RERE: variants seen among roughly 807,000 people sequenced by gnomAD.
RERE encodes arginine-glutamic acid dipeptide repeats protein.
In RERE, 40 loss-of-function variants were observed where a neutral mutation model predicts 146.1. That is an observed-to-expected ratio of 0.27 (90% CI 0.21 to 0.36). The LOEUF is 0.36. Ranked by LOEUF, RERE falls within the 10% of genes least tolerant of loss-of-function variation. The pLI is 1.00. For missense variants in RERE, 1,933 were observed against 2,138.7 expected (o/e 0.90, Z 1.90); for synonymous variants, 1,003 against 866.0 (o/e 1.16, Z -2.78).
intron 2 of RERE, among the ~76,000 whole-genome samples, chr1:8,626,996 C>A (rs962848531): frequency 6.6e-6 from 1 of 152,126 alleles, no homozygotes; most frequent in Non-Finnish European, 1.5e-5. Flanking sequence ...CACTCCACAC[C>A]CCATCTTCCC....
At chr1:8,490,359 AG>A (rs1334013648) in intron 10 of RERE, among the ~76,000 whole-genome samples, 1 of 147,306 alleles carries the variant, frequency 6.8e-6, no homozygotes, top group East Asian at 1.9e-4. Context: ...AAAAAAAAAA[AG>A]AAAAGAAAAG....
At chr1:8,732,963 A>T (rs12564643) in intron 1 of RERE, among the ~76,000 whole-genome samples, 131 of 149,652 alleles carry the variant, frequency 8.8e-4, no homozygotes, top group Non-Finnish European at 1.5e-3. Flanking sequence ...CTGGGACTAC[A>T]GGCGCCCGCC....
At chr1:8,399,127 G>C (rs1318882980) in intron 12 of RERE, among the ~76,000 whole-genome samples, 2 of 150,866 alleles carry the variant, frequency 1.3e-5, no homozygotes, top group Non-Finnish European at 2.9e-5. Flanking sequence ...ATGCATTCTA[G>C]ATACTAATCC....
intron 1 of RERE, among the ~76,000 whole-genome samples, chr1:8,748,400 C>G (rs1008677392): frequency 6.6e-6 from 1 of 152,142 alleles, no homozygotes; most frequent in Non-Finnish European, 1.5e-5. Context: ...CAGAGCTTCC[C>G]ATCTCTAAAC....
chr1:8,440,175 G>C (rs1428673623), intron 11 of RERE, among the ~76,000 whole-genome samples: 2 of 152,224 alleles, frequency 1.3e-5, no homozygotes, highest in Admixed American at 6.5e-5. Context: ...CCACTGTATT[G>C]AAACTGTCAT....
chr1:8,791,024 G>A lies in RERE; in HGVS notation c.-145+26136C>T, dbSNP rs115841157. On this transcript the variant is annotated intron_variant, in intron 1 of 22. Coordinates refer to ENST00000400908, the MANE Select transcript of RERE (RefSeq NM_001042681.2). ...GAAAAAATGAAATTACTTATATAAC[G>A]TCTGAGAAATATTCTTAAAAGACAA... Among the ~76,000 whole-genome samples the A allele has an allele frequency of 4.4e-3, 672 of 152,244 alleles. 3 individuals are homozygous for A. The highest frequency in any genetic ancestry group is 0.015 in the African/African-American group (642 of 41,540).
chr1:8,415,995 C>T (rs72866043), intron 12 of RERE, among the ~76,000 whole-genome samples: 4,612 of 152,256 alleles, frequency 0.03, 243 homozygotes, highest in African/African-American at 0.11. Context: ...TTGCCAGCCC[C>T]TCAAATAACT....
chr1:8,359,777 G>A lies in RERE; in HGVS notation c.3605C>T (p.Ala1202Val). The A allele has an allele frequency of 6.2e-7, 1 of 1,600,844 alleles. No individual in the cohort carries two copies. Among genetic ancestry groups the A allele is most frequent in the East Asian group, 2.2e-5 (1 of 44,806 alleles). The change falls in exon 19 of 23, where the codon GCA (alanine) becomes GTA (valine). Residue 1202 changes from alanine (A) to valine (V), a missense_variant. Ala to Val is a moderately conservative substitution (Grantham distance 64, BLOSUM62 0). Coordinates refer to ENST00000400908, the MANE Select transcript of RERE (RefSeq NM_001042681.2). ...RERERERERE[A>V]ERAAKASSSA... ...CCCTGGACTCACAGCCGCCCGCTCTGCCTCGCGCTCCCGCTCTCGCTCCCG... is the reference window on the plus strand; with the variant it reads ...CCCTGGACTCACAGCCGCCCGCTCTACCTCGCGCTCCCGCTCTCGCTCCCG...
At chr1:8,361,511 G>T in intron 17 of RERE, 21 bp from the exon 18 acceptor site, 2 of 1,606,922 alleles carry the variant, frequency 1.2e-6, no homozygotes, top group Non-Finnish European at 1.7e-6. Flanking sequence ...AGAAGGGAAG[G>T]ATGGAAGTCC....
At chr1:8,774,844 C>G (rs571866961) in intron 1 of RERE, among the ~76,000 whole-genome samples, 1 of 151,862 alleles carries the variant, frequency 6.6e-6, no homozygotes, top group Non-Finnish European at 1.5e-5. Context: ...AATAGTCCAA[C>G]CCTCATCTGC....
chr1:8,644,723 T>A (rs1267834783), intron 2 of RERE, among the ~76,000 whole-genome samples: 1 of 152,192 alleles, frequency 6.6e-6, no homozygotes. Flanking sequence ...CTCAAACTTC[T>A]GGGCTCAAGT....
intron 1 of RERE, among the ~76,000 whole-genome samples, chr1:8,685,884 T>C (rs1639074887): frequency 6.6e-6 from 1 of 152,140 alleles, no homozygotes; most frequent in Non-Finnish European, 1.5e-5. Context: ...AGGTGCTTAC[T>C]GGACATGTGA....
chr1:8,785,188 C>T (rs1471735409), intron 1 of RERE, among the ~76,000 whole-genome samples: 1 of 152,058 alleles, frequency 6.6e-6, no homozygotes, highest in Non-Finnish European at 1.5e-5. Flanking sequence ...ATTTACATGC[C>T]CCCTCAGTAT....
intron 1 of RERE, among the ~76,000 whole-genome samples, chr1:8,685,300 A>G (rs1330633352): frequency 6.6e-6 from 1 of 152,270 alleles, no homozygotes; most frequent in Non-Finnish European, 1.5e-5. Flanking sequence ...AACGGTAAGT[A>G]AAATATTTTA....
At chr1:8,786,783 T>C (rs781302560) in intron 1 of RERE, 242 of 797,144 alleles carry the variant, frequency 3.0e-4, no homozygotes, top group Non-Finnish European at 4.4e-4. Flanking sequence ...ACTATGCTTT[T>C]TCATAAATAA....
At chr1:8,381,725 C>T (rs112631555) in intron 12 of RERE, among the ~76,000 whole-genome samples, 1,923 of 152,242 alleles carry the variant, frequency 0.013, 39 homozygotes, top group African/African-American at 0.044. Context: ...CCCGGGGACG[C>T]GCCAGTGTGA....
At chr1:8,542,580 T>C (rs764472863) in intron 6 of RERE, among the ~76,000 whole-genome samples, 4 of 152,164 alleles carry the variant, frequency 2.6e-5, no homozygotes, top group Non-Finnish European at 4.4e-5. Flanking sequence ...CCCAGCACTT[T>C]GGGAGGCTAC....
intron 1 of RERE, chr1:8,786,137 T>G: frequency 8.2e-6 from 4 of 488,762 alleles, no homozygotes; most frequent in Non-Finnish European, 1.5e-5. Context: ...TTTTTCAACT[T>G]GAGAGCAGCT....
At chr1:8,560,991 C>T (rs1041952905) in intron 4 of RERE, among the ~76,000 whole-genome samples, 2 of 152,168 alleles carry the variant, frequency 1.3e-5, no homozygotes, top group Non-Finnish European at 2.9e-5. Context: ...AACAGAAATA[C>T]CTTTTAGATA....
Sources: gnomAD v4.1 joint callset for allele counts (sites outside exome capture counted in the v4.1 genomes callset) on GRCh38, gnomAD v4.1.1 for gene constraint, MANE v1.5 for transcripts, NCBI Gene and HGNC (gene_info 2026-07-23, HGNC 2026-07-21) for gene names.